The following KNDC1 variants were observed in gnomAD, a reference collection of about 807,000 sequenced individuals.
The protein encoded by KNDC1 is kinase non-catalytic C-lobe domain containing 1, also known as kinase non-catalytic C-lobe domain-containing protein 1.
KNDC1 carries 106 observed loss-of-function variants against 172.8 expected under a neutral mutation model. The ratio of observed to expected loss-of-function variants is 0.61; its 90% CI spans 0.52 to 0.72. The LOEUF (loss-of-function observed/expected upper bound fraction) is 0.72. KNDC1 is among the 30% of genes least tolerant of loss of function. The pLI, the probability that KNDC1 is intolerant of heterozygous loss-of-function variation, is 0.00. For synonymous variants in KNDC1, 1,083 were observed against 1,062.2 expected (o/e 1.02, Z -0.38); for missense variants, 2,325 against 2,394.5 (o/e 0.97, Z 0.61).
Position 133,167,466 on chromosome 10 carries a change from G to A in KNDC1, c.188G>A (p.Ser63Asn). The change falls in exon 2 of 30, where the codon AGC (serine) becomes AAC (asparagine). Residue 63 changes from serine to asparagine, a missense_variant. Ser to Asn is a conservative substitution (Grantham distance 46, BLOSUM62 1). Transcript: ENST00000304613. ...QEAWAVCLEC[S>N]LSMRSVAHAA... ...GCCTGGGCCGTGTGCCTGGAGTGCA[G>A]CCTGTCCATGCGGAGCGTGGCCCAC... 1 of 1,606,508 alleles carries A rather than the reference G, an allele frequency of 6.2e-7. No individual in the cohort carries two copies. The highest frequency in any genetic ancestry group is 8.5e-7 in the Non-Finnish European group (1 of 1,177,488).
chr10:133,188,431 C>T (rs1853980834), intron 6 of KNDC1, 108 bp from the exon 7 acceptor site: 1 of 690,550 alleles, frequency 1.4e-6, no homozygotes, highest in East Asian at 2.8e-5. Context: ...GGCGCCTACT[C>T]AGGGGCTGAG....
At chr10:133,211,354 G>C (rs907802477) in intron 21 of KNDC1, 68 bp from the exon 22 acceptor site, 2 of 1,487,962 alleles carry the variant, frequency 1.3e-6, no homozygotes, top group African/African-American at 2.8e-5. Context: ...AGAGCCACAT[G>C]CAAGCCCCTG....
chr10:133,206,301 A>C (rs1845191471), intron 17 of KNDC1, among the ~76,000 whole-genome samples: 1 of 152,258 alleles, frequency 6.6e-6, no homozygotes, highest in Non-Finnish European at 1.5e-5. Context: ...CCCTGCCCCC[A>C]GCCCCGCCCA....
chr10:133,166,848 C>T (rs1853175656), intron 1 of KNDC1, among the ~76,000 whole-genome samples: 1 of 152,056 alleles, frequency 6.6e-6, no homozygotes, highest in Non-Finnish European at 1.5e-5. Flanking sequence ...CACATGGGGG[C>T]GGCCGAGCCA....
At chr10:133,190,848 T>C (rs1247818763) in intron 9 of KNDC1, among the ~76,000 whole-genome samples, 1 of 152,186 alleles carries the variant, frequency 6.6e-6, no homozygotes, top group African/African-American at 2.4e-5. Flanking sequence ...GAAGCTCTTA[T>C]GAGATTGTCT....
chr10:133,166,827 G>A (rs1053952544), intron 1 of KNDC1, among the ~76,000 whole-genome samples: 1 of 152,112 alleles, frequency 6.6e-6, no homozygotes, highest in Non-Finnish European at 1.5e-5. Context: ...ACTCGGATTT[G>A]GAGGTGAGCC....
At chr10:133,188,512 C>A in intron 6 of KNDC1, 27 bp from the exon 7 acceptor site, 1 of 1,471,026 alleles carries the variant, frequency 6.8e-7, no homozygotes, top group Non-Finnish European at 9.3e-7. Flanking sequence ...GGTGTCCACA[C>A]TGACCTCGCC....
rs758757389 is a variant in KNDC1, at chr10:133,198,392, CG to C, written c.1964del (p.Gly655AlafsTer72). ...GLVAVPGPVP[G>X]QHPCGEEATQ... ...TTGTGGCTGTGCCAGGGCCCGTGCC[CG>C]GCCAGCACCCCTGCGGTGAAGAAGC... On this transcript the variant is annotated frameshift_variant, in exon 13 of 30. Coordinates refer to ENST00000304613, the MANE Select transcript of KNDC1 (RefSeq NM_152643.8). LOFTEE classifies it high-confidence loss of function. 2.5e-6 allele frequency: 4 copies of C among 1,598,314 alleles called. No individual in the cohort carries two copies. The highest frequency in any genetic ancestry group is 3.4e-6 in the Non-Finnish European group (4 of 1,173,710).
At chr10:133,213,753 G>C in intron 25 of KNDC1, 26 bp downstream of exon 25, 1 of 1,607,252 alleles carries the variant, frequency 6.2e-7, no homozygotes, top group Non-Finnish European at 8.5e-7. Context: ...CCTCAGCTGG[G>C]AGCGGTGGTG....
At chr10:133,206,615 G>A in intron 17 of KNDC1, 70 bp from the exon 18 acceptor site, 1 of 1,310,160 alleles carries the variant, frequency 7.6e-7, no homozygotes. Context: ...AGTGGGGTGG[G>A]GCCTGGCCCT....
chr10:133,193,035 G>A (rs550821340), intron 9 of KNDC1, among the ~76,000 whole-genome samples: 32 of 151,346 alleles, frequency 2.1e-4, no homozygotes, highest in East Asian at 1.4e-3. Context: ...TCCCCTCTCC[G>A]AAAAAATAAA....
chr10:133,167,205 G>C (rs897631130), intron 1 of KNDC1, 176 bp from the exon 2 acceptor site: 3 of 637,464 alleles, frequency 4.7e-6, no homozygotes, highest in Non-Finnish European at 8.1e-6. Flanking sequence ...CTGACGTCCA[G>C]GGAACAGCAG....
intron 1 of KNDC1, 34 bp from the exon 2 acceptor site, chr10:133,167,347 C>T: frequency 6.5e-7 from 1 of 1,534,228 alleles, no homozygotes; most frequent in South Asian, 1.2e-5. Context: ...GCTGGGGGTC[C>T]TGCCGGGCTC....
intron 10 of KNDC1, 152 bp downstream of exon 10, chr10:133,195,973 G>C (rs1210664174): frequency 1.2e-6 from 1 of 821,378 alleles, no homozygotes; most frequent in Non-Finnish European, 1.8e-6. Context: ...TCTAGACGTC[G>C]GCCTGGCCGT....
At position 133,168,276 on chromosome 10, in the gene KNDC1, T is replaced by TC. The variant is rs746793773; in HGVS notation, c.330dup (p.Glu111ArgfsTer10). Reference sequence around the variant, plus strand: ...AAGACGACCCTGAGGGTGCCTTCGTTCCCCCCGAGTTCGACGTGACCGGGA... The same window carrying TC: ...AAGACGACCCTGAGGGTGCCTTCGTTCCCCCCCGAGTTCGACGTGACCGGGA... On this transcript the variant is annotated frameshift_variant, in exon 3 of 30. Coordinates refer to ENST00000304613, the MANE Select transcript of KNDC1 (RefSeq NM_152643.8). LOFTEE classifies it high-confidence loss of function. 1 of 1,613,970 alleles carries TC rather than the reference T, an allele frequency of 6.2e-7. No individual in the cohort carries two copies. Among genetic ancestry groups the TC allele is most frequent in the Non-Finnish European group, 8.5e-7 (1 of 1,179,990 alleles).
chr10:133,195,657 G>A lies in KNDC1; in HGVS notation c.1576-6G>A, dbSNP rs112677705. 6,223 of 1,581,078 alleles carry A rather than the reference G, an allele frequency of 3.9e-3. 194 individuals are homozygous for A. The African/African-American group carries it at 0.071, about 18-fold the overall frequency. On this transcript the variant is annotated splice_region_variant and splice_polypyrimidine_tract_variant and intron_variant, in intron 9 of 29. Transcript: ENST00000304613. ...GGTAGACACTATTCTCTCCCCACCC[G>A]CCCAGGCCTCTGTGTACTGTGTGGC...
At chr10:133,179,949 G>T (rs1202423546) in intron 3 of KNDC1, among the ~76,000 whole-genome samples, 1 of 152,198 alleles carries the variant, frequency 6.6e-6, no homozygotes, top group South Asian at 2.1e-4. Context: ...AGGTTTTCTG[G>T]CCCACAGGCT....
intron 3 of KNDC1, 45 bp downstream of exon 3, chr10:133,168,357 T>C (rs199524619): frequency 1.3e-6 from 2 of 1,561,100 alleles, no homozygotes; most frequent in Non-Finnish European, 1.8e-6. Context: ...CTTTTACCTC[T>C]ATGGTGGCCT....
chr10:133,215,638 G>A (rs764806867), intron 26 of KNDC1, among the ~76,000 whole-genome samples: 1 of 152,266 alleles, frequency 6.6e-6, no homozygotes, highest in Non-Finnish European at 1.5e-5. Flanking sequence ...AAGGACAGGT[G>A]GCTGTCACCT....
Sources: gnomAD v4.1 joint callset for allele counts (sites outside exome capture counted in the v4.1 genomes callset) on GRCh38, gnomAD v4.1.1 for gene constraint, MANE v1.5 for transcripts, NCBI Gene and HGNC (gene_info 2026-07-23, HGNC 2026-07-21) for gene names.